NCKAP5: variants seen among roughly 807,000 people sequenced by gnomAD.
NCKAP5 encodes nck-associated protein 5.
NCKAP5 carries 92 observed loss-of-function variants against 167.0 expected under a neutral mutation model. The ratio of observed to expected loss-of-function variants is 0.55; its 90% CI spans 0.47 to 0.66. The LOEUF is 0.66. Ranked by LOEUF, NCKAP5 falls within the 30% of genes least tolerant of loss-of-function variation. The pLI, the probability that NCKAP5 is intolerant of heterozygous loss-of-function variation, is 0.00. For missense variants in NCKAP5, 2,378 were observed against 2,315.0 expected (o/e 1.03, Z -0.56); for synonymous variants, 891 against 877.4 (o/e 1.02, Z -0.27).
At chr2:133,030,422 C>G (rs17733147) in intron 6 of NCKAP5, among the ~76,000 whole-genome samples, 5 of 151,958 alleles carry the variant, frequency 3.3e-5, no homozygotes, top group Admixed American at 1.3e-4. Context: ...GAGCCTGTGT[C>G]GAAAGGTCTC....
chr2:132,681,735 G>A lies in NCKAP5; in HGVS notation c.5714-8430C>T, dbSNP rs146079777. Among the ~76,000 whole-genome samples the A allele has an allele frequency of 4.0e-3, 605 of 152,188 alleles. 2 individuals are homozygous for A. Among genetic ancestry groups the A allele is most frequent in the African/African-American group, 0.014 (582 of 41,500 alleles). ...GCTAAGTTTTTATGAGGTATGCGGC[G>A]AGTGCCAAAGCTAGGGAAAAACATT... On this transcript the variant is annotated intron_variant, in intron 19 of 19. Transcript: ENST00000409261.
chr2:132,980,664 T>G (rs1486621538), intron 7 of NCKAP5, among the ~76,000 whole-genome samples: 1 of 152,118 alleles, frequency 6.6e-6, no homozygotes, highest in Non-Finnish European at 1.5e-5. Context: ...TAATGTGAGG[T>G]TCAAATGAGA....
the NCKAP5 span, among the ~76,000 whole-genome samples, chr2:133,604,725 A>C: frequency 6.6e-6 from 1 of 152,290 alleles, no homozygotes; most frequent in South Asian, 2.1e-4. Flanking sequence ...GCTGATGGTA[A>C]CAGCCTACTA....
At chr2:132,897,863 C>T (rs537363976) in intron 8 of NCKAP5, among the ~76,000 whole-genome samples, 1 of 152,308 alleles carries the variant, frequency 6.6e-6, no homozygotes, top group Non-Finnish European at 1.5e-5. Flanking sequence ...CTTCAGCATG[C>T]TGGAATCTTT....
At chr2:133,313,210 G>A (rs1033195832) in intron 3 of NCKAP5, among the ~76,000 whole-genome samples, 10 of 152,094 alleles carry the variant, frequency 6.6e-5, no homozygotes, top group African/African-American at 2.4e-4. Flanking sequence ...GTGCTGGGGG[G>A]AATCTGGCTA....
intron 6 of NCKAP5, among the ~76,000 whole-genome samples, chr2:133,125,862 T>C (rs2082387968): frequency 6.6e-6 from 1 of 152,158 alleles, no homozygotes; most frequent in African/African-American, 2.4e-5. Flanking sequence ...TTTTTTTTTA[T>C]TGCCTAAATT....
At chr2:133,506,337 G>A (rs937141226) in intron 3 of NCKAP5, among the ~76,000 whole-genome samples, 1 of 152,220 alleles carries the variant, frequency 6.6e-6, no homozygotes, top group Admixed American at 6.5e-5. Flanking sequence ...AGAAATGTGA[G>A]AAGAGATGGT....
Position 133,279,534 on chromosome 2 carries a change from C to CT in NCKAP5, c.143+23502dup, listed in dbSNP as rs151064453. Among the ~76,000 whole-genome samples, 331 of 152,172 alleles carry CT rather than the reference C, an allele frequency of 2.2e-3. 10 individuals carry two copies. In the East Asian group the frequency reaches 0.056, roughly 26 times the overall value. On this transcript the variant is annotated intron_variant, in intron 4 of 19. Coordinates refer to ENST00000409261, the MANE Select transcript of NCKAP5 (RefSeq NM_207363.3). ...TTAACCCAGATTGTTGTCCAATATACTTTTTTTTCACAGTTGTTACTAAGT... is the reference window on the plus strand; with the variant it reads ...TTAACCCAGATTGTTGTCCAATATACTTTTTTTTTCACAGTTGTTACTAAGT...
At chr2:133,517,719 T>A (rs1327421894) in intron 2 of NCKAP5, 132 bp from the exon 3 acceptor site, 2 of 377,166 alleles carry the variant, frequency 5.3e-6, no homozygotes, top group Non-Finnish European at 9.4e-6. Flanking sequence ...AGAACTAGGC[T>A]CTCTCTACTC....
intron 6 of NCKAP5, among the ~76,000 whole-genome samples, chr2:133,049,369 C>G (rs2079522137): frequency 6.6e-6 from 1 of 151,942 alleles, no homozygotes; most frequent in Non-Finnish European, 1.5e-5. Flanking sequence ...CACAGTGAAA[C>G]CCCGTCTCTA....
chr2:133,670,161 C>T, the NCKAP5 span, among the ~76,000 whole-genome samples: 1 of 152,160 alleles, frequency 6.6e-6, no homozygotes, highest in Non-Finnish European at 1.5e-5. Context: ...TAGGTAAAGC[C>T]TCTATTTCCT....
intron 12 of NCKAP5, among the ~76,000 whole-genome samples, chr2:132,792,555 G>A (rs1436950226): frequency 1.3e-5 from 2 of 152,148 alleles, no homozygotes; most frequent in South Asian, 2.1e-4. Flanking sequence ...ATATTTTGTT[G>A]TTTAAATACG....
chr2:133,134,257 C>T (rs1316241971), intron 5 of NCKAP5, among the ~76,000 whole-genome samples: 3 of 152,218 alleles, frequency 2.0e-5, no homozygotes, highest in African/African-American at 7.2e-5. Flanking sequence ...AACTGCATCC[C>T]TGTTGATATC....
chr2:133,010,945 T>C (rs1468890768), intron 6 of NCKAP5, among the ~76,000 whole-genome samples: 2 of 152,136 alleles, frequency 1.3e-5, no homozygotes, highest in Non-Finnish European at 2.9e-5. Flanking sequence ...TTTAAAAAAA[T>C]GTCTTTGATA....
intron 8 of NCKAP5, among the ~76,000 whole-genome samples, chr2:132,941,799 G>A (rs929245915): frequency 1.3e-5 from 2 of 152,120 alleles, no homozygotes; most frequent in Admixed American, 1.3e-4. Context: ...TCCCAGCAAA[G>A]TGTATACAAA....
In NCKAP5 at chr2:133,221,509, TC is replaced by T. The variant is rs1460148627; in HGVS notation, c.144-7731del. ...GAGTTTACTACAGGCCTGGTACCAT[TC>T]TAGGGTCTGAGAAATAAACACAAAT... On this transcript the variant is annotated intron_variant, in intron 4 of 19. Transcript: ENST00000409261. Among the ~76,000 whole-genome samples the T allele has an allele frequency of 3.3e-5, 5 of 152,316 alleles. No individual in the cohort carries two copies. In the East Asian group the frequency reaches 9.6e-4, roughly 29 times the overall value.
At chr2:133,328,671 G>A (rs939578060) in intron 3 of NCKAP5, among the ~76,000 whole-genome samples, 1 of 151,982 alleles carries the variant, frequency 6.6e-6, no homozygotes, top group Non-Finnish European at 1.5e-5. Flanking sequence ...ATGATATGTT[G>A]GTAACAAGGA....
At chr2:133,559,353 G>T (rs552201765) in intron 1 of NCKAP5, among the ~76,000 whole-genome samples, 3 of 152,252 alleles carry the variant, frequency 2.0e-5, no homozygotes, top group Admixed American at 2.0e-4. Flanking sequence ...GATTTTTTAA[G>T]AATCTCACAG....
chr2:133,395,201 C>T (rs1282513169), intron 3 of NCKAP5, among the ~76,000 whole-genome samples: 1 of 152,140 alleles, frequency 6.6e-6, no homozygotes, highest in Non-Finnish European at 1.5e-5. Context: ...AGCAGCCTCC[C>T]AGCTTCTGTG....
Sources: allele counts gnomAD v4.1 joint callset (sites outside exome capture counted in the v4.1 genomes callset), GRCh38; gene constraint gnomAD v4.1.1; transcripts MANE v1.5; gene names NCBI Gene and HGNC (gene_info 2026-07-23, HGNC 2026-07-21).